The following GALK2 variants were observed in gnomAD, a reference collection of about 807,000 sequenced individuals.
The protein encoded by GALK2 is galactokinase 2, also known as N-acetylgalactosamine kinase.
A neutral mutation model predicts 52.4 loss-of-function variants in GALK2; 36 were observed. That is an observed-to-expected ratio of 0.69 (90% CI 0.53 to 0.91). The LOEUF is 0.91. GALK2 is among the 40% of genes least tolerant of loss of function. The pLI is 0.00. For synonymous variants in GALK2, 176 were observed against 199.1 expected (o/e 0.88, Z 0.98); for missense variants, 579 against 559.1 (o/e 1.04, Z -0.36).
At chr15:49,169,902 A>G (rs1470833557), upstream of GALK2, 1 of 158,080 alleles carries the variant, frequency 6.3e-6, no homozygotes, top group Non-Finnish European at 1.4e-5. Context: ...ACTAAAAAAC[A>G]AACAAACAAA....
At chr15:49,213,634 C>A (rs190413897) in intron 2 of GALK2, among the ~76,000 whole-genome samples, 2 of 151,818 alleles carry the variant, frequency 1.3e-5, no homozygotes, top group Admixed American at 1.3e-4. Context: ...TTTTATAATC[C>A]ATTCATCCAC....
At chr15:49,362,435 C>A (rs1291150147) in intron 3 of GALK2, among the ~76,000 whole-genome samples, 1 of 152,160 alleles carries the variant, frequency 6.6e-6, no homozygotes, top group East Asian at 1.9e-4. Context: ...TCAGTTAAAT[C>A]TCTTTTCTTC....
chr15:49,261,102 A>C (rs1428790629), intron 5 of GALK2, among the ~76,000 whole-genome samples: 5 of 150,806 alleles, frequency 3.3e-5, no homozygotes, highest in South Asian at 2.1e-4. Flanking sequence ...AATTCTGTGA[A>C]GAAAGTCATT....
chr15:49,210,845 C>T (rs978126180), intron 2 of GALK2, among the ~76,000 whole-genome samples: 2 of 152,046 alleles, frequency 1.3e-5, no homozygotes, highest in African/African-American at 4.8e-5. Context: ...TTCCTGGACT[C>T]AAGTGATTCT....
At chr15:49,164,674 C>T (rs755908801) in intron 1 of GALK2, among the ~76,000 whole-genome samples, 14 of 149,944 alleles carry the variant, frequency 9.3e-5, no homozygotes, top group African/African-American at 2.0e-4. Flanking sequence ...CCAGATGCTC[C>T]GGAGGCTGAG....
intron 1 of GALK2, among the ~76,000 whole-genome samples, chr15:49,164,858 G>A (rs1463670333): frequency 6.7e-6 from 1 of 149,376 alleles, no homozygotes; most frequent in Non-Finnish European, 1.5e-5. Context: ...CAATTTATCT[G>A]TAGTTTGGTC....
At chr15:49,284,717 G>C (rs865855310) in intron 7 of GALK2, among the ~76,000 whole-genome samples, 1 of 152,068 alleles carries the variant, frequency 6.6e-6, no homozygotes, top group Non-Finnish European at 1.5e-5. Context: ...ACTTGATTCA[G>C]CCTAACTTCC....
At chr15:49,317,821 A>C (rs2036542797) in intron 8 of GALK2, among the ~76,000 whole-genome samples, 1 of 152,144 alleles carries the variant, frequency 6.6e-6, no homozygotes, top group Admixed American at 6.5e-5. Context: ...AGAAAACCAA[A>C]CACCACATGT....
At chr15:49,263,891 A>G (rs1308703589) in intron 5 of GALK2, among the ~76,000 whole-genome samples, 16 of 151,384 alleles carry the variant, frequency 1.1e-4, no homozygotes, top group South Asian at 8.4e-4. Context: ...AATGTTGAAT[A>G]TTGGCCCCCA....
chr15:49,335,374 A>C, downstream of GALK2: 1 of 1,302,980 alleles, frequency 7.7e-7, no homozygotes, highest in Non-Finnish European at 1.1e-6. Context: ...TCCAGTTCTA[A>C]AAAAGTATTA....
intron 8 of GALK2, among the ~76,000 whole-genome samples, 160 bp from the exon 9 acceptor site, chr15:49,319,444 C>T (rs550399860): frequency 2.0e-5 from 3 of 152,208 alleles, no homozygotes; most frequent in Non-Finnish European, 4.4e-5. Context: ...CCGATAGACA[C>T]ATTTCAATTG....
At chr15:49,218,098 A>T (rs749281321) in intron 3 of GALK2, among the ~76,000 whole-genome samples, 1 of 152,154 alleles carries the variant, frequency 6.6e-6, no homozygotes, top group African/African-American at 2.4e-5. Context: ...TTGGCATATT[A>T]TATGTTTGGC....
chr15:49,255,459 A>C (rs1318607921), intron 5 of GALK2, among the ~76,000 whole-genome samples: 1 of 142,638 alleles, frequency 7.0e-6, no homozygotes, highest in African/African-American at 2.5e-5. Context: ...ACAATTTTGA[A>C]GCGTCCAGGC....
chr15:49,159,472 A>C (rs1029880441), intron 1 of GALK2, among the ~76,000 whole-genome samples: 1 of 151,682 alleles, frequency 6.6e-6, no homozygotes, highest in Middle Eastern at 3.4e-3. Context: ...TTCCAGCTGG[A>C]GGCTGAGGCA....
intron 3 of GALK2, among the ~76,000 whole-genome samples, chr15:49,360,932 C>T (rs1200116947): frequency 6.6e-6 from 1 of 152,116 alleles, no homozygotes; most frequent in Non-Finnish European, 1.5e-5. Flanking sequence ...TCAGTGTTTA[C>T]ATGTGAATCC....
chr15:49,273,408 C>A (rs180939080), intron 5 of GALK2, among the ~76,000 whole-genome samples: 47 of 152,024 alleles, frequency 3.1e-4, no homozygotes, highest in African/African-American at 1.1e-3. Context: ...TCTGCTGTGC[C>A]CAGTTTGGGA....
chr15:49,225,631 G>A (rs1438722446), intron 3 of GALK2, among the ~76,000 whole-genome samples: 2 of 152,204 alleles, frequency 1.3e-5, no homozygotes, highest in African/African-American at 4.8e-5. Context: ...CTGCTGTAGA[G>A]GGAGAGATGC....
At chr15:49,352,142 T>C (rs557093431) in intron 3 of GALK2, among the ~76,000 whole-genome samples, 15 of 152,282 alleles carry the variant, frequency 9.9e-5, no homozygotes, top group African/African-American at 3.4e-4. Context: ...AGACTCTCCA[T>C]ATGGTCTGAA....
intron 5 of GALK2, among the ~76,000 whole-genome samples, chr15:49,260,066 C>T (rs945300726): frequency 6.6e-6 from 1 of 151,684 alleles, no homozygotes; most frequent in Non-Finnish European, 1.5e-5. Flanking sequence ...TTTATAGCAG[C>T]ATGATTTATA....
Sources: gnomAD v4.1 joint callset for allele counts (sites outside exome capture counted in the v4.1 genomes callset) on GRCh38, gnomAD v4.1.1 for gene constraint, MANE v1.5 for transcripts, NCBI Gene and HGNC (gene_info 2026-07-23, HGNC 2026-07-21) for gene names.